GLI2: variants seen among roughly 807,000 people sequenced by gnomAD.
The protein encoded by GLI2 is GLI family zinc finger 2, also known as transcription activator GLI2.
In GLI2, 22 loss-of-function variants were observed where a neutral mutation model predicts 78.9. The observed-to-expected ratio is 0.28, with a 90% CI of 0.20 to 0.40. The LOEUF is 0.40. GLI2 is among the 10% of genes least tolerant of loss of function. GLI2 has a pLI of 1.00. For missense variants in GLI2, 2,097 were observed against 2,213.2 expected (o/e 0.95, Z 1.05); for synonymous variants, 974 against 963.7 (o/e 1.01, Z -0.20).
rs2105105731 is a variant in GLI2, at chr2:120,992,599, A to G, written c.*1924A>G. 1 of 152,352 alleles carries G rather than the reference A, an allele frequency of 6.6e-6. No homozygotes were observed. 9.4% of individuals were successfully genotyped at this position (152,352 alleles called of 1,614,324 possible). Reference sequence around the variant, plus strand: ...AGAAATTAGGCTGTATTTTTTCTTAACAGTGTCAAAATTGACTATCCCGCC... The same window carrying G: ...AGAAATTAGGCTGTATTTTTTCTTAGCAGTGTCAAAATTGACTATCCCGCC... On this transcript the variant is annotated 3_prime_UTR_variant, in exon 14 of 14. Coordinates refer to ENST00000361492, the MANE Select transcript of GLI2 (RefSeq NM_001374353.1).
rs764519741 is a variant in GLI2 at position 120,797,290 on chromosome 2, G to A, written c.-30-1G>A. On this transcript the variant is annotated splice_acceptor_variant, in intron 1 of 13. Coordinates refer to ENST00000361492, the MANE Select transcript of GLI2 (RefSeq NM_001374353.1). LOFTEE classifies it low-confidence loss of function (5UTR_SPLICE). ...GTGAGTGTCTTTGTCTTCTCTTTTA[G>A]GATTGCCACCCAGGACGATGAGCGG... 4 of 1,613,100 alleles carry A rather than the reference G, an allele frequency of 2.5e-6. No individual in the cohort carries two copies. In the South Asian group the frequency reaches 3.3e-5, roughly 13 times the overall value.
chr2:120,900,768 G>C (rs755255986), intron 2 of GLI2, among the ~76,000 whole-genome samples: 4 of 152,204 alleles, frequency 2.6e-5, no homozygotes, highest in Non-Finnish European at 4.4e-5. Context: ...CAGTGATGTT[G>C]AGCGGTTTGC....
At chr2:120,834,754 C>T (rs942945189) in intron 2 of GLI2, among the ~76,000 whole-genome samples, 3 of 152,156 alleles carry the variant, frequency 2.0e-5, no homozygotes, top group African/African-American at 4.8e-5. Flanking sequence ...CCTGTGTCCC[C>T]CTGCAGTGAT....
At chr2:120,961,861 C>T (rs1681579539) in intron 5 of GLI2, among the ~76,000 whole-genome samples, 1 of 152,218 alleles carries the variant, frequency 6.6e-6, no homozygotes, top group Non-Finnish European at 1.5e-5. Flanking sequence ...AACCTAATCC[C>T]TGTCTGAGGA....
At chr2:120,843,280 C>T (rs955294040) in intron 2 of GLI2, among the ~76,000 whole-genome samples, 8 of 152,164 alleles carry the variant, frequency 5.3e-5, no homozygotes, top group Non-Finnish European at 8.8e-5. Context: ...TTGGCTCAGG[C>T]GGTGAAGTCA....
chr2:120,957,909 T>C (rs1306540282), intron 5 of GLI2, among the ~76,000 whole-genome samples: 1 of 152,206 alleles, frequency 6.6e-6, no homozygotes, highest in Non-Finnish European at 1.5e-5. Context: ...CAGGCCTTGC[T>C]CTGTTTGTTA....
intron 2 of GLI2, among the ~76,000 whole-genome samples, chr2:120,831,771 C>G (rs1301874120): frequency 6.6e-6 from 1 of 152,086 alleles, no homozygotes; most frequent in Non-Finnish European, 1.5e-5. Context: ...ACCAACTCAC[C>G]CAACTCTCCA....
chr2:120,959,205 G>A (rs1032760080), intron 5 of GLI2, among the ~76,000 whole-genome samples: 5 of 152,138 alleles, frequency 3.3e-5, no homozygotes, highest in Admixed American at 1.3e-4. Context: ...GCAGCTGCTG[G>A]TTAACTCATC....
At chr2:120,924,380 T>G (rs1461090466) in intron 2 of GLI2, among the ~76,000 whole-genome samples, 1 of 152,150 alleles carries the variant, frequency 6.6e-6, no homozygotes, top group East Asian at 1.9e-4. Flanking sequence ...GAAAAGCCAT[T>G]CAGAGCCTTC....
At chr2:120,907,879 T>C (rs1254980155) in intron 2 of GLI2, among the ~76,000 whole-genome samples, 1 of 152,218 alleles carries the variant, frequency 6.6e-6, no homozygotes, top group Non-Finnish European at 1.5e-5. Flanking sequence ...TGTGGTACAC[T>C]GAGTGCTTCC....
chr2:120,968,700 T>G lies in GLI2; in HGVS notation c.644-14T>G. The G allele has an allele frequency of 6.2e-7, 1 of 1,606,146 alleles. No homozygotes were observed. Among genetic ancestry groups the G allele is most frequent in the Non-Finnish European group, 8.5e-7 (1 of 1,173,238 alleles). Reference sequence around the variant, plus strand: ...CCAGTGATGCTGACCTGTCTTGTGTTGACTATCCCACAGTGTCCCGTTTCT... The same window carrying G: ...CCAGTGATGCTGACCTGTCTTGTGTGGACTATCCCACAGTGTCCCGTTTCT... On this transcript the variant is annotated splice_polypyrimidine_tract_variant and intron_variant, in intron 5 of 13. Coordinates refer to ENST00000361492, the MANE Select transcript of GLI2 (RefSeq NM_001374353.1).
At position 120,990,432 on chromosome 2, in the gene GLI2, G is replaced by A. The variant is rs1412348553; in HGVS notation, c.4467G>A (p.Glu1489=). 1.2e-5 allele frequency: 20 copies of A among 1,613,926 alleles called. No individual in the cohort carries two copies. Among genetic ancestry groups the A allele is most frequent in the East Asian group, 4.5e-5 (2 of 44,884 alleles). The change falls in exon 14 of 14, where the codon GAG becomes GAA. Residue 1489 remains glutamate, a synonymous_variant. Transcript: ENST00000361492. The stretch of plus-strand genomic sequence containing the variant: ...GCACTGTGGACTCCCAGCTCCTGGA[G>A]GCCCCCCAGATTGACTTCGATGCCA... The part of the protein sequence containing the change: ...VSSTVDSQLL[E]APQIDFDAIM...
At position 120,927,360 on chromosome 2, in the gene GLI2, G is replaced by A. The variant is rs199779567; in HGVS notation, c.149-1G>A. The A allele has an allele frequency of 1.2e-6, 2 of 1,609,392 alleles. No homozygotes were observed. Among genetic ancestry groups the A allele is most frequent in the Non-Finnish European group, 8.5e-7 (1 of 1,175,684 alleles). On this transcript the variant is annotated splice_acceptor_variant, in intron 2 of 13. Transcript: ENST00000361492. LOFTEE classifies it high-confidence loss of function. Reference sequence around the variant, plus strand: ...TCTTGTTTCTCTCTCCCCCTCTGCAGTGCCGCAGCATCTCTTGCCACCATT... The same window carrying A: ...TCTTGTTTCTCTCTCCCCCTCTGCAATGCCGCAGCATCTCTTGCCACCATT...
At chr2:120,816,401 G>T (rs576004657) in intron 2 of GLI2, among the ~76,000 whole-genome samples, 1 of 151,930 alleles carries the variant, frequency 6.6e-6, no homozygotes, top group Non-Finnish European at 1.5e-5. Flanking sequence ...TGCCATGTTG[G>T]CCAGGCTGGT....
intron 3 of GLI2, among the ~76,000 whole-genome samples, chr2:120,930,119 G>C (rs1679879338): frequency 6.6e-6 from 1 of 152,194 alleles, no homozygotes; most frequent in South Asian, 2.1e-4. Context: ...TTTGTGCAGA[G>C]ACAGTCCATG....
intron 9 of GLI2, among the ~76,000 whole-genome samples, chr2:120,975,805 G>C (rs1301468067): frequency 1.3e-5 from 2 of 152,176 alleles, no homozygotes; most frequent in Non-Finnish European, 2.9e-5. Context: ...CAGAGGCTTG[G>C]CACGGGAGAC....
At chr2:120,904,606 G>A (rs1452653759) in intron 2 of GLI2, among the ~76,000 whole-genome samples, 1 of 152,200 alleles carries the variant, frequency 6.6e-6, no homozygotes, top group Admixed American at 6.5e-5. Flanking sequence ...CTTCCCAGGA[G>A]GAGGGACCCA....
chr2:120,962,876 ATG>A (rs1681653581), intron 5 of GLI2, among the ~76,000 whole-genome samples: 1 of 152,140 alleles, frequency 6.6e-6, no homozygotes. Context: ...TGTTACGAAG[ATG>A]TGTGTGTTTC....
chr2:120,930,780 C>T (rs1679912219), intron 3 of GLI2, among the ~76,000 whole-genome samples: 1 of 152,262 alleles, frequency 6.6e-6, no homozygotes, highest in Non-Finnish European at 1.5e-5. Flanking sequence ...GCAGAGCCCC[C>T]ACTGAGAAGG....
Sources: gnomAD v4.1 joint callset for allele counts (sites outside exome capture counted in the v4.1 genomes callset) on GRCh38, gnomAD v4.1.1 for gene constraint, MANE v1.5 for transcripts, NCBI Gene and HGNC (gene_info 2026-07-23, HGNC 2026-07-21) for gene names.